The following RXRG variants were observed in gnomAD, a reference collection of about 807,000 sequenced individuals.
RXRG encodes retinoid X receptor gamma.
Under a neutral mutation model 49.2 loss-of-function variants are expected in RXRG, and 19 were observed. That is an observed-to-expected ratio of 0.39 (90% confidence interval 0.27 to 0.57). The LOEUF (loss-of-function observed/expected upper bound fraction) is 0.57. RXRG is among the 20% of genes least tolerant of loss of function. The pLI is 0.64. For synonymous variants in RXRG, 224 were observed against 216.6 expected (o/e 1.03, Z -0.30); for missense variants, 452 against 592.5 (o/e 0.76, Z 2.46).
At chr1:165,433,787 G>A (rs1001166806) in intron 1 of RXRG, among the ~76,000 whole-genome samples, 1 of 152,234 alleles carries the variant, frequency 6.6e-6, no homozygotes, top group South Asian at 2.1e-4. Context: ...ACCAGATGCT[G>A]AGGGGTACCT....
At position 165,427,632 on chromosome 1, in the gene RXRG, C is replaced by T. The variant is rs147221086; in HGVS notation, c.297+1087G>A. Among the ~76,000 whole-genome samples, 146 of 152,160 alleles carry T rather than the reference C, an allele frequency of 9.6e-4. 1 individual carries two copies. Among genetic ancestry groups the T allele is most frequent in the African/African-American group, 3.4e-3 (140 of 41,514 alleles). ...TAATTTTTTGTATTTTTAGTAGAGACGGGGTTTCACTGTATTAGCCAGGAT... is the reference window on the plus strand; with the variant it reads ...TAATTTTTTGTATTTTTAGTAGAGATGGGGTTTCACTGTATTAGCCAGGAT... On this transcript the variant is annotated intron_variant, in intron 2 of 9. Coordinates refer to ENST00000359842, the MANE Select transcript of RXRG (RefSeq NM_006917.5).
chr1:165,404,065 T>C (rs3820364), intron 9 of RXRG, among the ~76,000 whole-genome samples: 6,479 of 152,316 alleles, frequency 0.043, 165 homozygotes, highest in East Asian at 0.071. Context: ...ACTTCTGAAA[T>C]GTTTCCACAG....
At chr1:165,415,230 G>A (rs1303572841) in intron 4 of RXRG, among the ~76,000 whole-genome samples, 2 of 152,176 alleles carry the variant, frequency 1.3e-5, no homozygotes, top group Non-Finnish European at 2.9e-5. Context: ...TAGACAGACA[G>A]CAAGTGCAAA....
chr1:165,420,409 C>T (rs947854136), intron 2 of RXRG, among the ~76,000 whole-genome samples: 1 of 152,138 alleles, frequency 6.6e-6, no homozygotes, highest in Non-Finnish European at 1.5e-5. Flanking sequence ...AGAGGAACTA[C>T]GACCCTCAGG....
chr1:165,408,153 A>G, intron 8 of RXRG, 74 bp downstream of exon 8: 1 of 1,147,072 alleles, frequency 8.7e-7, no homozygotes, highest in South Asian at 1.2e-5. Flanking sequence ...GAGGACCAAT[A>G]ACATGGGAGC....
chr1:165,409,448 G>T (rs1435239779), intron 7 of RXRG, 110 bp downstream of exon 7: 2 of 1,237,130 alleles, frequency 1.6e-6, no homozygotes, highest in East Asian at 3.2e-5. Context: ...GCACTACCCA[G>T]AGGTTCATGC....
At chr1:165,410,569 C>T (rs143197802) in intron 6 of RXRG, 133 bp downstream of exon 6, 29 of 997,190 alleles carry the variant, frequency 2.9e-5, no homozygotes, top group Middle Eastern at 3.0e-4. Flanking sequence ...ATGAACAACC[C>T]CGCACAGGGT....
chr1:165,428,969 G>T lies in RXRG; in HGVS notation c.50-3C>A, dbSNP rs368291917. ...AGAGCCAGTGTGGCCAGGGGAGCCT[G>T]TAAGAAGAAGAATATAGATGGTGGG... On this transcript the variant is annotated splice_region_variant and splice_polypyrimidine_tract_variant and intron_variant, in intron 1 of 9. Transcript: ENST00000359842. 17 of 1,611,432 alleles carry T rather than the reference G, an allele frequency of 1.1e-5. No homozygotes were observed. Among genetic ancestry groups the T allele is most frequent in the Non-Finnish European group, 1.4e-5 (16 of 1,179,206 alleles).
intron 7 of RXRG, 49 bp from the exon 8 acceptor site, chr1:165,408,367 C>T: frequency 7.3e-7 from 1 of 1,379,190 alleles, no homozygotes; most frequent in Non-Finnish European, 1.0e-6. Context: ...AGTAACAGGC[C>T]AAGAGCCAAT....
chr1:165,407,216 C>T (rs1657785282), intron 8 of RXRG, among the ~76,000 whole-genome samples: 1 of 152,206 alleles, frequency 6.6e-6, no homozygotes, highest in Non-Finnish European at 1.5e-5. Flanking sequence ...CACACATTTA[C>T]CGAGTGCCTA....
intron 2 of RXRG, among the ~76,000 whole-genome samples, chr1:165,427,109 C>T (rs1278792360): frequency 6.6e-6 from 1 of 152,174 alleles, no homozygotes; most frequent in African/African-American, 2.4e-5. Flanking sequence ...CCAAAAAACA[C>T]CCTCTCAGAA....
At chr1:165,416,899 T>C in intron 4 of RXRG, 142 bp downstream of exon 4, 1 of 758,900 alleles carries the variant, frequency 1.3e-6, no homozygotes, top group Non-Finnish European at 2.1e-6. Flanking sequence ...GACTTCTCTT[T>C]AGAGCCCTGT....
chr1:165,409,253 A>G (rs1337822456), intron 7 of RXRG, among the ~76,000 whole-genome samples: 1 of 152,150 alleles, frequency 6.6e-6, no homozygotes, highest in African/African-American at 2.4e-5. Context: ...TAGGAAATCC[A>G]TTGGGAGAAT....
At chr1:165,414,072 G>A (rs1364608103) in intron 4 of RXRG, among the ~76,000 whole-genome samples, 3 of 152,152 alleles carry the variant, frequency 2.0e-5, no homozygotes, top group Non-Finnish European at 4.4e-5. Context: ...AAATGATGGC[G>A]GTGGACAGGC....
rs1471822618 is a variant in RXRG, at chr1:165,417,825, G to A, written c.443-605C>T. 9.2e-5 allele frequency among the ~76,000 whole-genome samples: 14 copies of A among 152,204 alleles called. No individual in the cohort carries two copies. In the East Asian group the frequency reaches 1.4e-3, roughly 15 times the overall value. ...TCTGATAGAAGCTGATTTTGCAGCC[G>A]GGCATGGTGGCTCACGCCTGTAATC... is the stretch of plus-strand genomic sequence containing the variant. On this transcript the variant is annotated intron_variant, in intron 3 of 9. Coordinates refer to ENST00000359842, the MANE Select transcript of RXRG (RefSeq NM_006917.5).
chr1:165,427,042 C>T (rs551581390), intron 2 of RXRG, among the ~76,000 whole-genome samples: 1 of 152,334 alleles, frequency 6.6e-6, no homozygotes, highest in Non-Finnish European at 1.5e-5. Flanking sequence ...GATGCCCACT[C>T]ACATTAGGGA....
intron 2 of RXRG, among the ~76,000 whole-genome samples, chr1:165,428,311 C>A (rs1254428883): frequency 6.6e-6 from 1 of 152,198 alleles, no homozygotes; most frequent in Non-Finnish European, 1.5e-5. Flanking sequence ...TTTGTAAGCT[C>A]CTGGAAAGCA....
intron 1 of RXRG, among the ~76,000 whole-genome samples, chr1:165,432,700 T>C (rs1285544439): frequency 6.6e-6 from 1 of 152,202 alleles, no homozygotes; most frequent in Admixed American, 6.5e-5. Context: ...AGCCTTCTGA[T>C]TAAGCTATGA....
At chr1:165,428,674 C>T in intron 2 of RXRG, 45 bp downstream of exon 2, 1 of 1,543,634 alleles carries the variant, frequency 6.5e-7, no homozygotes, top group Non-Finnish European at 8.8e-7. Flanking sequence ...CTGGGTGAAA[C>T]CATGTAAGAT....
Sources: allele counts gnomAD v4.1 joint callset (sites outside exome capture counted in the v4.1 genomes callset), GRCh38; gene constraint gnomAD v4.1.1; transcripts MANE v1.5; gene names NCBI Gene and HGNC (gene_info 2026-07-23, HGNC 2026-07-21).